The following PCDHA7 variants were observed in gnomAD, a reference collection of about 807,000 sequenced individuals.
PCDHA7 encodes protocadherin alpha 7, also known as protocadherin alpha-7.
A neutral mutation model predicts 57.2 loss-of-function variants in PCDHA7; 37 were observed. The ratio of observed to expected loss-of-function variants is 0.65; its 90% CI spans 0.50 to 0.85. The LOEUF (loss-of-function observed/expected upper bound fraction) is 0.85, where lower values mean the gene tolerates loss of function less well. PCDHA7 is among the 40% of genes least tolerant of loss of function. PCDHA7 has a pLI of 0.00. For synonymous variants in PCDHA7, 553 were observed against 558.8 expected (o/e 0.99, Z 0.15); for missense variants, 1,188 against 1,241.8 (o/e 0.96, Z 0.65).
chr5:140,869,184 G>A (rs1554162580), intron 1 of PCDHA7: 44 of 1,613,836 alleles, frequency 2.7e-5, no homozygotes, highest in Non-Finnish European at 3.7e-5. Flanking sequence ...GGGAGGTGGG[G>A]AGCGGCCAGC....
intron 1 of PCDHA7, chr5:140,929,026 G>A: frequency 1.2e-6 from 2 of 1,614,176 alleles, no homozygotes; most frequent in Non-Finnish European, 1.7e-6. Context: ...CCAGAGCCCA[G>A]GCTGTTGCGC....
chr5:140,970,222 C>T (rs1270140969), intron 1 of PCDHA7, among the ~76,000 whole-genome samples: 2 of 152,134 alleles, frequency 1.3e-5, no homozygotes, highest in Non-Finnish European at 2.9e-5. Context: ...TAAATGCAGC[C>T]TGTAATCTTC....
intron 1 of PCDHA7, among the ~76,000 whole-genome samples, chr5:140,912,714 C>T (rs1312540155): frequency 6.6e-6 from 1 of 152,088 alleles, no homozygotes; most frequent in African/African-American, 2.4e-5. Context: ...CAACTTTTCT[C>T]CATTCAATAT....
intron 1 of PCDHA7, among the ~76,000 whole-genome samples, chr5:140,910,929 A>G (rs2075237197): frequency 6.6e-6 from 1 of 152,176 alleles, no homozygotes; most frequent in Admixed American, 6.5e-5. Flanking sequence ...TATAAATAAG[A>G]AAGCTCAAGC....
chr5:140,840,163 A>T (rs2150304163), intron 1 of PCDHA7, among the ~76,000 whole-genome samples: 1 of 152,162 alleles, frequency 6.6e-6, no homozygotes, highest in African/African-American at 2.4e-5. Context: ...GAGAGATGGG[A>T]TGTATACAAA....
At chr5:140,863,413 T>C (rs1581689381) in intron 1 of PCDHA7, 1 of 735,446 alleles carries the variant, frequency 1.4e-6, no homozygotes, top group Non-Finnish European at 2.3e-6. Flanking sequence ...CACGCTGGTG[T>C]ACCGCAGCGT....
At chr5:140,920,794 A>G (rs1433275588) in intron 1 of PCDHA7, among the ~76,000 whole-genome samples, 2 of 151,776 alleles carry the variant, frequency 1.3e-5, no homozygotes, top group Admixed American at 6.6e-5. Flanking sequence ...CAGGGAACCA[A>G]GATCACGCCA....
intron 3 of PCDHA7, among the ~76,000 whole-genome samples, chr5:140,983,526 A>C (rs1421450953): frequency 6.6e-6 from 1 of 152,230 alleles, no homozygotes; most frequent in African/African-American, 2.4e-5. Context: ...TGCCAAGTAC[A>C]TTGTATGTGT....
chr5:140,836,052 G>A lies in PCDHA7; in HGVS notation c.1669G>A (p.Asp557Asn), dbSNP rs2150251542. 39 of 1,613,494 alleles carry A rather than the reference G, an allele frequency of 2.4e-5. No individual in the cohort carries two copies. The highest frequency in any genetic ancestry group is 4.0e-5 in the African/African-American group (3 of 74,920). The change falls in exon 1 of 4, where the codon GAC (aspartate) becomes AAC (asparagine). Residue 557 changes from aspartate to asparagine, a missense_variant. This residue lies in a region of PCDHA7 where 892 missense variants were observed against 788.5 expected (regional missense o/e 1.13). Transcript: ENST00000525929. ...CGTGACGCTGCAGGTGTTCGTGCTGGACGAGAACGACAACGCGCCGGCACT... is the reference window on the plus strand; with the variant it reads ...CGTGACGCTGCAGGTGTTCGTGCTGAACGAGAACGACAACGCGCCGGCACT... ...SNVTLQVFVL[D>N]ENDNAPALLA...
intron 1 of PCDHA7, among the ~76,000 whole-genome samples, chr5:140,978,243 C>T (rs2096793691): frequency 6.6e-6 from 1 of 152,170 alleles, no homozygotes; most frequent in South Asian, 2.1e-4. Context: ...ATTTCAGCTA[C>T]TCCCTGTTAA....
chr5:140,967,943 G>T, intron 1 of PCDHA7: 1 of 1,614,190 alleles, frequency 6.2e-7, no homozygotes. Flanking sequence ...CAATGACCAA[G>T]ACTCAGGCCC....
intron 1 of PCDHA7, among the ~76,000 whole-genome samples, chr5:140,974,152 G>A (rs183558718): frequency 4.2e-4 from 64 of 152,284 alleles, no homozygotes; most frequent in Admixed American, 2.4e-3. Flanking sequence ...CTATACAAGG[G>A]TTTTTCTTTC....
chr5:140,922,176 CA>C (rs3836750), intron 1 of PCDHA7, among the ~76,000 whole-genome samples: 49,174 of 150,706 alleles, frequency 0.33, 8,259 homozygotes, highest in East Asian at 0.53. Context: ...GTACAGCAGA[CA>C]AAAAAAAAGT....
chr5:140,868,184 G>A (rs1216562415), intron 1 of PCDHA7: 3 of 151,962 alleles, frequency 2.0e-5, no homozygotes, highest in African/African-American at 7.2e-5. Context: ...CTCATATTAT[G>A]CTACTATGGC....
In PCDHA7 at chr5:140,992,699, T is replaced by A. The variant is rs149489820; in HGVS notation, c.2503+10136T>A. Among the ~76,000 whole-genome samples the A allele has an allele frequency of 7.6e-3, 1,153 of 152,282 alleles. 6 individuals carry two copies. The highest frequency in any genetic ancestry group is 0.014 in the Middle Eastern group (4 of 294). On this transcript the variant is annotated intron_variant, in intron 3 of 3. Transcript: ENST00000525929. ...GTGTTAGGGGTTGAGGGGTGGGTAA[T>A]GTTCCTGCCAGTATTCGTAAATCCC...
intron 3 of PCDHA7, among the ~76,000 whole-genome samples, chr5:140,998,062 C>T (rs2097795439): frequency 6.6e-6 from 1 of 152,176 alleles, no homozygotes; most frequent in African/African-American, 2.4e-5. Flanking sequence ...TCATCATCAA[C>T]AGACTTAGCC....
chr5:140,908,155 G>A (rs559304647), intron 1 of PCDHA7, among the ~76,000 whole-genome samples: 3 of 152,312 alleles, frequency 2.0e-5, no homozygotes, highest in East Asian at 3.9e-4. Flanking sequence ...TCCTAGGAAG[G>A]GGCTGTAGTG....
intron 1 of PCDHA7, chr5:140,969,449 AG>A (rs1470034134): frequency 2.8e-5 from 43 of 1,510,842 alleles, no homozygotes; most frequent in Non-Finnish European, 3.2e-5. Flanking sequence ...TGGTAAACTG[AG>A]TATATATAGT....
chr5:140,883,403 T>C (rs1009539034), intron 1 of PCDHA7: 1 of 1,614,168 alleles, frequency 6.2e-7, no homozygotes, highest in Non-Finnish European at 8.5e-7. Context: ...CGATCGTGAC[T>C]CTGGCTCAAA....
Sources: allele counts gnomAD v4.1 joint callset (sites outside exome capture counted in the v4.1 genomes callset), GRCh38; gene constraint gnomAD v4.1.1; regional missense constraint gnomAD v4.1.1; transcripts MANE v1.5; gene names NCBI Gene and HGNC (gene_info 2026-07-23, HGNC 2026-07-21).